The following PKP4 variants were observed in gnomAD, a reference collection of about 807,000 sequenced individuals.
PKP4 encodes plakophilin 4, also known as plakophilin-4.
A neutral mutation model predicts 145.1 loss-of-function variants in PKP4; 90 were observed. The observed-to-expected ratio is 0.62, with a 90% CI of 0.52 to 0.74. PKP4 has a LOEUF of 0.74. Among genes scored for constraint, PKP4 ranks in the 30% least tolerant of loss-of-function variants. PKP4 has a pLI of 0.00. For missense variants in PKP4, 1,340 were observed against 1,482.7 expected (o/e 0.90, Z 1.58); for synonymous variants, 563 against 577.2 (o/e 0.98, Z 0.35).
intron 2 of PKP4, among the ~76,000 whole-genome samples, chr2:158,553,002 A>G (rs1179708197): frequency 1.3e-5 from 2 of 152,204 alleles, no homozygotes; most frequent in African/African-American, 4.8e-5. Flanking sequence ...AGATATGCCA[A>G]TACTGGTAGA....
intron 1 of PKP4, among the ~76,000 whole-genome samples, chr2:158,522,887 C>G (rs1009284552): frequency 1.3e-5 from 2 of 152,192 alleles, no homozygotes; most frequent in African/African-American, 4.8e-5. Flanking sequence ...CCTGGAAAAT[C>G]GGGTCACTCC....
Position 158,457,052 on chromosome 2 carries a change from G to T in PKP4, c.-172G>T, listed in dbSNP as rs1688846706. The T allele has an allele frequency of 6.6e-6, 1 of 150,802 alleles. No homozygotes were observed. The highest frequency in any genetic ancestry group is 1.5e-5 in the Non-Finnish European group (1 of 67,362). 9.3% of individuals were successfully genotyped at this position (150,802 alleles called of 1,614,324 possible). On this transcript the variant is annotated 5_prime_UTR_variant, in exon 1 of 22. Coordinates refer to ENST00000389759, the MANE Select transcript of PKP4 (RefSeq NM_003628.6). ...GCAAGTTGGCCACCGCCGCCGCCGG[G>T]GGTGGTGGGAGAGCCGCTCCGGGGG... is the stretch of plus-strand genomic sequence containing the variant.
At position 158,578,440 on chromosome 2, in the gene PKP4, A is replaced by G. The variant is rs535916333; in HGVS notation, c.245+1057A>G. 7.5e-4 allele frequency among the ~76,000 whole-genome samples: 114 copies of G among 152,264 alleles called. 1 individual carries two copies. The East Asian group carries it at 8.3e-3, about 11-fold the overall frequency. ...TTTTTATAGAAAGAGAATTATAAGCAAGGTATAAAATAATAAATTAGAAAT... is the reference window on the plus strand; with the variant it reads ...TTTTTATAGAAAGAGAATTATAAGCGAGGTATAAAATAATAAATTAGAAAT... On this transcript the variant is annotated intron_variant, in intron 3 of 21. Coordinates refer to ENST00000389759, the MANE Select transcript of PKP4 (RefSeq NM_003628.6).
intron 2 of PKP4, 181 bp downstream of exon 2, chr2:158,533,497 T>G (rs1239635183): frequency 1.4e-6 from 1 of 712,726 alleles, no homozygotes; most frequent in Admixed American, 2.1e-5. Context: ...CAGGTGCCAG[T>G]CAGAATCGGA....
At chr2:158,462,516 ATTGTT>A (rs1456588546) in intron 1 of PKP4, among the ~76,000 whole-genome samples, 1 of 152,144 alleles carries the variant, frequency 6.6e-6, no homozygotes, top group African/African-American at 2.4e-5. Context: ...TTCATTTTTA[ATTGTT>A]TTGTTTTAAA....
chr2:158,677,091 A>G, intron 20 of PKP4: 1 of 543,418 alleles, frequency 1.8e-6, no homozygotes, highest in Non-Finnish European at 3.4e-6. Flanking sequence ...ATGTAGTTGT[A>G]CGGTGGGCAC....
chr2:158,606,902 TA>T (rs915490877), intron 4 of PKP4, among the ~76,000 whole-genome samples: 18 of 152,170 alleles, frequency 1.2e-4, no homozygotes, highest in African/African-American at 3.1e-4. Flanking sequence ...AGTTGGGAGA[TA>T]GGGGAATTCT....
chr2:158,665,659 G>A lies in PKP4; in HGVS notation c.2578-754G>A, dbSNP rs192439621. On this transcript the variant is annotated intron_variant, in intron 15 of 21. Transcript: ENST00000389759. ...CAAGATTAAAGAACCGTTTTCTAAC[G>A]TTACTCTTTTTGGTTGTTTCACTGA... Among the ~76,000 whole-genome samples, 79 of 152,224 alleles carry A rather than the reference G, an allele frequency of 5.2e-4. 1 individual carries two copies. The highest frequency in any genetic ancestry group is 3.4e-3 in the Middle Eastern group (1 of 294).
At chr2:158,514,100 C>G (rs1246564944) in intron 1 of PKP4, among the ~76,000 whole-genome samples, 3 of 152,208 alleles carry the variant, frequency 2.0e-5, no homozygotes, top group Admixed American at 1.3e-4. Flanking sequence ...CTAACACCAT[C>G]TGGTGTATAA....
At chr2:158,598,336 A>G in intron 3 of PKP4, among the ~76,000 whole-genome samples, 1 of 152,140 alleles carries the variant, frequency 6.6e-6, no homozygotes, top group East Asian at 1.9e-4. Flanking sequence ...CAGAATTACC[A>G]TGTGGCTCCA....
Position 158,625,054 on chromosome 2 carries a change from A to G in PKP4, c.780A>G (p.Ala260=), listed in dbSNP as rs778987200. ...VTDPRPLNPS[A]YSSTTLPAAR... ...ACCCCCGACCTCTGAACCCCAGTGC[A>G]TATTCCTCCACCACATTACCTGCTG... Residue 260 remains alanine, a synonymous_variant, in exon 7 of 22, where the codon GCA becomes GCG. Transcript: ENST00000389759. 1.9e-6 allele frequency: 3 copies of G among 1,614,154 alleles called. No homozygotes were observed. The highest frequency in any genetic ancestry group is 2.5e-6 in the Non-Finnish European group (3 of 1,180,018).
chr2:158,621,933 A>T (rs959320715), intron 6 of PKP4, among the ~76,000 whole-genome samples: 4 of 152,166 alleles, frequency 2.6e-5, no homozygotes, highest in African/African-American at 9.7e-5. Flanking sequence ...CCATTGATGA[A>T]TTCTGATGAG....
chr2:158,560,475 A>T (rs966663219), intron 2 of PKP4, among the ~76,000 whole-genome samples: 1 of 152,318 alleles, frequency 6.6e-6, no homozygotes, highest in Middle Eastern at 3.4e-3. Context: ...ACAGAATATG[A>T]TCAGAAGATA....
intron 1 of PKP4, among the ~76,000 whole-genome samples, chr2:158,462,675 G>T (rs1689946384): frequency 6.6e-6 from 1 of 152,180 alleles, no homozygotes; most frequent in Non-Finnish European, 1.5e-5. Context: ...ACTCAGTGAG[G>T]CTCATGAAGT....
chr2:158,529,037 C>T (rs185673494), intron 1 of PKP4, among the ~76,000 whole-genome samples: 1 of 152,204 alleles, frequency 6.6e-6, no homozygotes, highest in East Asian at 1.9e-4. Flanking sequence ...TGCAGCATCT[C>T]TTCTACACTA....
intron 9 of PKP4, among the ~76,000 whole-genome samples, chr2:158,635,325 T>C (rs907940054): frequency 2.0e-5 from 3 of 152,194 alleles, no homozygotes; most frequent in African/African-American, 7.2e-5. Context: ...TATAAATGCA[T>C]TTGGTTCTGC....
chr2:158,469,404 C>A lies in PKP4; in HGVS notation c.-6+12186C>A, dbSNP rs1691202086. Among the ~76,000 whole-genome samples the A allele has an allele frequency of 2.0e-5, 3 of 152,172 alleles. 1 individual carries two copies. The South Asian group carries it at 6.2e-4, about 32-fold the overall frequency. On this transcript the variant is annotated intron_variant, in intron 1 of 21. Transcript: ENST00000389759. ...CACACCCGGCCAGAAAAGACATTTT[C>A]TAAAGTGATTTTCTTATCCCCTCCT...
At chr2:158,569,185 G>A (rs2047232722) in intron 2 of PKP4, among the ~76,000 whole-genome samples, 1 of 152,194 alleles carries the variant, frequency 6.6e-6, no homozygotes, top group Non-Finnish European at 1.5e-5. Flanking sequence ...TAAACTTCAA[G>A]CATCTGGTAA....
In PKP4 at chr2:158,457,018, G is replaced by A. The variant is rs1383440455; in HGVS notation, c.-206G>A. ...CGCGGAGGCGGCACCATGGGCAAGG[G>A]GTAGAGGGGCAAGTTGGCCACCGCC... On this transcript the variant is annotated 5_prime_UTR_variant, in exon 1 of 22. Transcript: ENST00000389759. 1 of 149,200 alleles carries A rather than the reference G, an allele frequency of 6.7e-6. No homozygotes were observed. Among genetic ancestry groups the A allele is most frequent in the Non-Finnish European group, 1.5e-5 (1 of 66,888 alleles). 9.2% of individuals were successfully genotyped at this position (149,200 alleles called of 1,614,324 possible). A position where few individuals can be genotyped will look rare whatever the true frequency, so the allele number is the denominator to read the frequency against.
Sources: gnomAD v4.1 joint callset for allele counts (sites outside exome capture counted in the v4.1 genomes callset) on GRCh38, gnomAD v4.1.1 for gene constraint, MANE v1.5 for transcripts, NCBI Gene and HGNC (gene_info 2026-07-23, HGNC 2026-07-21) for gene names.